The following ARMC6 variants were observed in gnomAD, a reference collection of about 807,000 sequenced individuals.
ARMC6 encodes armadillo repeat-containing protein 6.
A neutral mutation model predicts 49.2 loss-of-function variants in ARMC6; 43 were observed. That is an observed-to-expected ratio of 0.87 (90% confidence interval 0.69 to 1.13). The LOEUF (loss-of-function observed/expected upper bound fraction) is 1.13. Ranked by LOEUF, ARMC6 falls within the 50% of genes most tolerant of loss-of-function variation. The pLI is 0.00. For synonymous variants in ARMC6, 262 were observed against 289.6 expected (o/e 0.90, Z 0.97); for missense variants, 627 against 682.0 (o/e 0.92, Z 0.90).
At chr19:19,043,878 A>T (rs554222137) in intron 3 of ARMC6, 114 bp from the exon 4 acceptor site, 1 of 880,360 alleles carries the variant, frequency 1.1e-6, no homozygotes, top group Non-Finnish European at 1.9e-6. Context: ...AGGCTTCTGG[A>T]GTGGGGTGGT....
In ARMC6 at chr19:19,055,650, C is replaced by T; in HGVS notation, c.1156-141C>T. 7.8e-7 allele frequency: 1 copy of T among 1,289,784 alleles called. No homozygotes were observed. The highest frequency in any genetic ancestry group is 1.1e-6 in the Non-Finnish European group (1 of 946,842). 79.9% of individuals were successfully genotyped at this position (1,289,784 alleles called of 1,614,324 possible). On this transcript the variant is annotated intron_variant, in intron 7 of 8. Transcript: ENST00000535612. This position sits in a 1 kb window ranked among gnomAD's most constrained non-coding sequence, Gnocchi z 5.7. ...AAGAGCTGAGCTGATATTTTTGTCA[C>T]CCTGCCATTATTACACAGGAGTTGC...
rs200535730 is a variant in ARMC6 at position 19,054,265 on chromosome 19, G to A, written c.967G>A (p.Val323Met). 3 of 1,611,274 alleles carry A rather than the reference G, an allele frequency of 1.9e-6. No individual in the cohort carries two copies. The highest frequency in any genetic ancestry group is 2.2e-5 in the East Asian group (1 of 44,642). ...CGACCTCGGGGGCCTGAGCATTCTGGTGTCCCTGCTAGCCGACTGCAATGA... is the reference window on the plus strand; with the variant it reads ...CGACCTCGGGGGCCTGAGCATTCTGATGTCCCTGCTAGCCGACTGCAATGA... ...VVDLGGLSILVSLLADCNDHQ... is the reference protein window; with the variant it reads ...VVDLGGLSILMSLLADCNDHQ... Residue 323 changes from valine (V) to methionine (M), a missense_variant, in exon 6 of 9, where the codon GTG (valine) becomes ATG (methionine). By Grantham distance (21) the Val-to-Met change is conservative (BLOSUM62 1). Coordinates refer to ENST00000535612, the MANE Select transcript of ARMC6 (RefSeq NM_001199196.2).
intron 2 of ARMC6, among the ~76,000 whole-genome samples, chr19:19,036,025 C>G (rs1207087177): frequency 6.6e-6 from 1 of 152,042 alleles, no homozygotes; most frequent in African/African-American, 2.4e-5. Flanking sequence ...TCATTTATGC[C>G]TCAGTCCGAC....
intron 2 of ARMC6, among the ~76,000 whole-genome samples, chr19:19,035,604 C>G (rs1015190594): frequency 2.0e-5 from 3 of 152,090 alleles, no homozygotes; most frequent in Non-Finnish European, 4.4e-5. Flanking sequence ...ACCTTCCCAA[C>G]TCAGTCAGCT....
Position 19,055,747 on chromosome 19 carries a change from G to A in ARMC6, c.1156-44G>A. On this transcript the variant is annotated intron_variant, in intron 7 of 8. Transcript: ENST00000535612. This position sits in a 1 kb window ranked among gnomAD's most constrained non-coding sequence, Gnocchi z 5.7. ...TGGCCATGGCAGGATGTTGTGGGGG[G>A]TCTATCTGCTGCATCTCAGCCTTTC... The A allele has an allele frequency of 6.5e-7, 1 of 1,528,988 alleles. No homozygotes were observed. Among genetic ancestry groups the A allele is most frequent in the Non-Finnish European group, 8.9e-7 (1 of 1,129,324 alleles). The allele number at this position is 1,528,988 out of a possible 1,614,324, so 94.7% of individuals were successfully genotyped here.
intron 4 of ARMC6, among the ~76,000 whole-genome samples, chr19:19,045,570 CT>C (rs1447236138): frequency 2.1e-5 from 3 of 139,668 alleles, no homozygotes; most frequent in Non-Finnish European, 4.5e-5. Context: ...TCACTGCAAC[CT>C]CTGCCTCTTG....
At chr19:19,046,927 G>GTTTTTTTTTTTTTTTTTTTTTTTTTA (rs386388691) in intron 4 of ARMC6, among the ~76,000 whole-genome samples, 1 of 104,374 alleles carries the variant, frequency 9.6e-6, no homozygotes, top group Admixed American at 1.3e-4. Context: ...ATGCTCACCT[G>GTTTTTTTTTTTTTTTTTTTTTTTTTA]TTTTTTTTTT....
Position 19,055,494 on chromosome 19 carries a change from G to T in ARMC6, c.1155+98G>T. 6.8e-7 allele frequency: 1 copy of T among 1,473,676 alleles called. No individual in the cohort carries two copies. Among genetic ancestry groups the T allele is most frequent in the South Asian group, 1.4e-5 (1 of 73,036 alleles). The allele number at this position is 1,473,676 out of a possible 1,614,324, so 91.3% of individuals were successfully genotyped here. A position where few individuals can be genotyped will look rare whatever the true frequency, so the allele number is the denominator to read the frequency against. On this transcript the variant is annotated intron_variant, in intron 7 of 8. Coordinates refer to ENST00000535612, the MANE Select transcript of ARMC6 (RefSeq NM_001199196.2). The surrounding 1 kb of genome is among the most constrained non-coding windows in gnomAD (Gnocchi z 5.7). ...GAAGCTCTATTCCCCTGCAGGGCCA[G>T]GGCAGGGCTGGTGAGGGTCGTGGGC...
At chr19:19,056,073 C>A (rs1234735934) in intron 8 of ARMC6, 145 bp downstream of exon 8, 13 of 966,998 alleles carry the variant, frequency 1.3e-5, no homozygotes, top group South Asian at 8.7e-5. Context: ...CTGTCCCTCC[C>A]ACAGCCGAGC....
At position 19,035,271 on chromosome 19, in the gene ARMC6, G is replaced by A. The variant is rs138506787; in HGVS notation, c.29+1033G>A. Among the ~76,000 whole-genome samples, 1,302 of 152,294 alleles carry A rather than the reference G, an allele frequency of 8.5e-3. 10 individuals carry two copies. The highest frequency in any genetic ancestry group is 0.014 in the Non-Finnish European group (953 of 68,030). ...TCTACCCGCCTCAGACTCCCAAAGCGCTGGGATTATAGGCCTGAGCCACCG... is the reference window on the plus strand; with the variant it reads ...TCTACCCGCCTCAGACTCCCAAAGCACTGGGATTATAGGCCTGAGCCACCG... On this transcript the variant is annotated intron_variant, in intron 2 of 8. Coordinates refer to ENST00000535612, the MANE Select transcript of ARMC6 (RefSeq NM_001199196.2).
At chr19:19,037,747 A>T in intron 2 of ARMC6, 1 of 1,080,694 alleles carries the variant, frequency 9.3e-7, no homozygotes, top group South Asian at 1.7e-5. Flanking sequence ...AAAGTTGTTA[A>T]CCTCTGTTAG....
intron 4 of ARMC6, among the ~76,000 whole-genome samples, chr19:19,051,380 TG>T (rs2059495097): frequency 1.3e-5 from 1 of 79,208 alleles, no homozygotes; most frequent in Non-Finnish European, 2.5e-5. Flanking sequence ...TCTCTCTGTG[TG>T]TGTGTGTGTG....
At chr19:19,049,624 C>G (rs569057524) in intron 4 of ARMC6, among the ~76,000 whole-genome samples, 1 of 152,236 alleles carries the variant, frequency 6.6e-6, no homozygotes, top group Non-Finnish European at 1.5e-5. Flanking sequence ...CTATCCATGA[C>G]TTGCGATACT....
At chr19:19,054,368 G>T in intron 6 of ARMC6, 47 bp downstream of exon 6, 7 of 1,454,562 alleles carry the variant, frequency 4.8e-6, no homozygotes, top group Non-Finnish European at 6.4e-6. Flanking sequence ...CTGGGTCCCA[G>T]TCAACCGGAC....
intron 4 of ARMC6, among the ~76,000 whole-genome samples, chr19:19,048,088 T>C (rs1307266571): frequency 6.6e-6 from 1 of 152,140 alleles, no homozygotes; most frequent in Non-Finnish European, 1.5e-5. Flanking sequence ...GGCTCACACC[T>C]GTAATCCCAG....
chr19:19,035,290 G>A (rs1178266871), intron 2 of ARMC6, among the ~76,000 whole-genome samples: 3 of 152,144 alleles, frequency 2.0e-5, no homozygotes, highest in East Asian at 3.9e-4. Context: ...ATAGGCCTGA[G>A]CCACCGCACC....
At chr19:19,056,267 T>C (rs1262363051) in intron 8 of ARMC6, among the ~76,000 whole-genome samples, 2 of 148,916 alleles carry the variant, frequency 1.3e-5, no homozygotes. Context: ...CTGTGGGTTT[T>C]TTTTTTTTTT....
At chr19:19,046,758 G>A (rs1381068451) in intron 4 of ARMC6, among the ~76,000 whole-genome samples, 1 of 152,064 alleles carries the variant, frequency 6.6e-6, no homozygotes, top group Admixed American at 6.6e-5. Context: ...GCCTCCCAAA[G>A]TGTTGGGGTT....
At chr19:19,043,252 G>A (rs1467157714) in intron 3 of ARMC6, among the ~76,000 whole-genome samples, 1 of 152,244 alleles carries the variant, frequency 6.6e-6, no homozygotes, top group East Asian at 1.9e-4. Flanking sequence ...CAGACCAGGT[G>A]CAGATGAGTG....
Sources: allele counts gnomAD v4.1 joint callset (sites outside exome capture counted in the v4.1 genomes callset), GRCh38; gene constraint gnomAD v4.1.1; non-coding constraint Gnocchi (gnomAD v3.1); transcripts MANE v1.5; gene names NCBI Gene and HGNC (gene_info 2026-07-23, HGNC 2026-07-21).